The following DMD variants were observed in gnomAD, a reference collection of about 807,000 sequenced individuals.
The protein encoded by DMD is dystrophin, also known as mutant dystrophin.
A neutral mutation model predicts 330.1 loss-of-function variants in DMD; 63 were observed. The observed-to-expected ratio is 0.19, with a 90% confidence interval of 0.16 to 0.24. The LOEUF is 0.24. Among genes scored for constraint, DMD ranks in the 10% least tolerant of loss-of-function variants. The probability of loss-of-function intolerance (pLI) is 1.00; values close to 1 mark genes in which losing one functional copy is unlikely to be tolerated. For missense variants in DMD, 3,344 were observed against 2,684.1 expected (o/e 1.25, Z -5.43); for synonymous variants, 1,223 against 959.8 (o/e 1.27, Z -5.07).
At chrX:31,860,941 GC>G (rs2093688383) in intron 48 of DMD, among the ~76,000 whole-genome samples, 1 of 112,242 alleles carries the variant, frequency 8.9e-6, no homozygotes, top group Non-Finnish European at 1.9e-5. Context: ...GCTAAGAAGA[GC>G]AAAGACCATT....
chrX:31,774,706 C>T (rs1194870640), intron 50 of DMD, among the ~76,000 whole-genome samples: 2 of 111,447 alleles, frequency 1.8e-5, no homozygotes, highest in Admixed American at 9.6e-5. Context: ...GCCAATGAAA[C>T]GTTCTTGTCT....
intron 44 of DMD, among the ~76,000 whole-genome samples, chrX:32,044,588 AT>A (rs760382813): frequency 3.0e-4 from 33 of 109,167 alleles, no homozygotes; most frequent in Admixed American, 1.7e-3. Context: ...TGCCCAGCTA[AT>A]TTTTTTGTAT....
Position 31,570,072 on chromosome X carries a change from C to G in DMD, c.8217+57601G>C, listed in dbSNP as rs193037620. Among the ~76,000 whole-genome samples the G allele has an allele frequency of 2.7e-5, 3 of 111,136 alleles. No individual in the cohort carries two copies. In the Admixed American group the frequency reaches 2.9e-4, roughly 11 times the overall value. On this transcript the variant is annotated intron_variant, in intron 55 of 78. Transcript: ENST00000357033. ...CATGTCATTTTTCTGTTTCAGGATCCAATCCAGAATCTCCTACTGCATTTG... is the reference window on the plus strand; with the variant it reads ...CATGTCATTTTTCTGTTTCAGGATCGAATCCAGAATCTCCTACTGCATTTG...
At chrX:32,627,310 C>A (rs2146545970) in intron 11 of DMD, among the ~76,000 whole-genome samples, 1 of 103,547 alleles carries the variant, frequency 9.7e-6, no homozygotes, top group South Asian at 4.0e-4. Context: ...TCAGGATGCA[C>A]AAACATGCGT....
chrX:31,673,738 G>A (rs1376886898), intron 53 of DMD, among the ~76,000 whole-genome samples: 1 of 112,115 alleles, frequency 8.9e-6, no homozygotes, highest in Non-Finnish European at 1.9e-5. Flanking sequence ...AAGCAAACTA[G>A]AGAAAATATG....
intron 1 of DMD, among the ~76,000 whole-genome samples, chrX:33,269,577 G>C (rs1366958964): frequency 9.0e-6 from 1 of 111,268 alleles, no homozygotes; most frequent in Non-Finnish European, 1.9e-5. Context: ...AAAAATAAAA[G>C]TGTCCTACTT....
At chrX:32,294,662 G>T (rs999781618) in intron 42 of DMD, among the ~76,000 whole-genome samples, 2 of 111,415 alleles carry the variant, frequency 1.8e-5, no homozygotes, top group African/African-American at 6.5e-5. Context: ...ACACTCCCTG[G>T]ATATCTAGAT....
At chrX:31,930,694 C>T (rs2094842360) in intron 46 of DMD, among the ~76,000 whole-genome samples, 1 of 111,967 alleles carries the variant, frequency 8.9e-6, no homozygotes, top group Non-Finnish European at 1.9e-5. Context: ...TTCATCATCA[C>T]GGGAGTTCTA....
chrX:31,183,028 T>A, intron 67 of DMD, 124 bp from the exon 68 acceptor site: 1 of 623,665 alleles, frequency 1.6e-6, no homozygotes, highest in Non-Finnish European at 2.5e-6. Context: ...AGAACAATGG[T>A]TGCAAAGCTA....
At chrX:31,865,277 T>G (rs78024057) in intron 48 of DMD, among the ~76,000 whole-genome samples, 4 of 111,514 alleles carry the variant, frequency 3.6e-5, no homozygotes, top group Non-Finnish European at 7.5e-5. Flanking sequence ...GAGAAAAACA[T>G]TCAATAAATC....
intron 7 of DMD, among the ~76,000 whole-genome samples, chrX:32,761,502 G>T (rs903878444): frequency 8.9e-6 from 1 of 112,247 alleles, no homozygotes; most frequent in Non-Finnish European, 1.9e-5. Flanking sequence ...TGATGATGAT[G>T]ATTATCTTTA....
At chrX:32,465,866 G>A (rs1398925775) in intron 23 of DMD, among the ~76,000 whole-genome samples, 1 of 111,094 alleles carries the variant, frequency 9.0e-6, no homozygotes, top group Non-Finnish European at 1.9e-5. Flanking sequence ...TTATAGGCAT[G>A]AGCCACTACG....
chrX:31,912,886 A>G (rs190709021), intron 47 of DMD, among the ~76,000 whole-genome samples: 81 of 112,981 alleles, frequency 7.2e-4, no homozygotes, highest in African/African-American at 2.6e-3. Flanking sequence ...ATGGGATAGT[A>G]GCAAGTGTGA....
chrX:33,198,500 T>A (rs1425656993), intron 1 of DMD, among the ~76,000 whole-genome samples: 1 of 111,884 alleles, frequency 8.9e-6, no homozygotes, highest in Non-Finnish European at 1.9e-5. Flanking sequence ...TATGAAGCTT[T>A]AACCAAAATG....
rs766665905 is a variant in DMD at position 32,420,246 on chromosome X, T to C, written c.4072-8333A>G. Among the ~76,000 whole-genome samples, 4 of 111,780 alleles carry C rather than the reference T, an allele frequency of 3.6e-5. No individual in the cohort carries two copies. The East Asian group carries it at 1.1e-3, about 31-fold the overall frequency. ...ATTGATACAGGAAATAATTAAAATATTTAAGTCGCTGTCTCCTGATATGGA... is the reference window on the plus strand; with the variant it reads ...ATTGATACAGGAAATAATTAAAATACTTAAGTCGCTGTCTCCTGATATGGA... On this transcript the variant is annotated intron_variant, in intron 29 of 78. Coordinates refer to ENST00000357033, the MANE Select transcript of DMD (RefSeq NM_004006.3).
intron 1 of DMD, among the ~76,000 whole-genome samples, chrX:33,221,576 AC>A (rs1268642562): frequency 9.0e-6 from 1 of 111,466 alleles, no homozygotes; most frequent in East Asian, 2.8e-4. Flanking sequence ...AGATTCATTA[AC>A]AAAGAGCTAT....
intron 2 of DMD, among the ~76,000 whole-genome samples, chrX:32,867,150 G>C (rs1046274681): frequency 1.0e-5 from 1 of 99,144 alleles, no homozygotes; most frequent in Non-Finnish European, 2.0e-5. Flanking sequence ...ATGTTCATTT[G>C]ACGTTCAATT....
chrX:31,905,884 A>C (rs1206819137), intron 47 of DMD, among the ~76,000 whole-genome samples: 2 of 112,101 alleles, frequency 1.8e-5, no homozygotes, highest in African/African-American at 6.5e-5. Context: ...AAATGCATGA[A>C]AAATTATAAA....
At chrX:31,614,689 G>A (rs1464040030) in intron 55 of DMD, among the ~76,000 whole-genome samples, 1 of 111,479 alleles carries the variant, frequency 9.0e-6, no homozygotes, top group East Asian at 2.8e-4. Context: ...TTACCTCTTC[G>A]GAGAATGGCT....
Sources: allele counts gnomAD v4.1 joint callset (sites outside exome capture counted in the v4.1 genomes callset), GRCh38; gene constraint gnomAD v4.1.1; transcripts MANE v1.5; gene names NCBI Gene and HGNC (gene_info 2026-07-23, HGNC 2026-07-21).